TWSG1: variants seen among roughly 807,000 people sequenced by gnomAD.
The protein encoded by TWSG1 is twisted gastrulation BMP signaling modulator 1.
In TWSG1, 15 loss-of-function variants were observed where a neutral mutation model predicts 23.0. The observed-to-expected ratio is 0.65, with a 90% CI of 0.44 to 1.00. The LOEUF (loss-of-function observed/expected upper bound fraction) is 1.00, where lower values mean the gene tolerates loss of function less well. TWSG1 is among the 50% of genes least tolerant of loss of function. The probability of loss-of-function intolerance (pLI) is 0.00; values close to 1 mark genes in which losing one functional copy is unlikely to be tolerated. For synonymous variants in TWSG1, 86 were observed against 92.8 expected, an observed-to-expected ratio of 0.93 and a Z score of 0.42; for missense variants, 242 against 278.7, an observed-to-expected ratio of 0.87 and a Z score of 0.94.
chr18:9,377,115 C>A (rs2040634017), intron 3 of TWSG1, among the ~76,000 whole-genome samples: 1 of 152,096 alleles, frequency 6.6e-6, no homozygotes, highest in African/African-American at 2.4e-5. Flanking sequence ...GGTCCTGGAA[C>A]CAATCCCCCA....
chr18:9,350,900 T>G (rs909304261), intron 2 of TWSG1, among the ~76,000 whole-genome samples: 2 of 152,184 alleles, frequency 1.3e-5, no homozygotes, highest in African/African-American at 4.8e-5. Flanking sequence ...TTGTTTATTC[T>G]TTTGAATAGG....
chr18:9,394,013 A>G (rs775066386), intron 3 of TWSG1, among the ~76,000 whole-genome samples: 8 of 152,234 alleles, frequency 5.3e-5, no homozygotes, highest in Non-Finnish European at 1.0e-4. Context: ...TCAAAAAACC[A>G]CAAATAGAAC....
intron 3 of TWSG1, among the ~76,000 whole-genome samples, chr18:9,374,753 A>G (rs1437825711): frequency 6.6e-6 from 1 of 152,254 alleles, no homozygotes; most frequent in Non-Finnish European, 1.5e-5. Flanking sequence ...TCTCATGAAT[A>G]TAGAGGCAAA....
Position 9,399,594 on chromosome 18 carries a change from G to T in TWSG1, c.*67G>T. 1 of 1,380,730 alleles carries T rather than the reference G, an allele frequency of 7.2e-7. No individual in the cohort carries two copies. The highest frequency in any genetic ancestry group is 2.5e-5 in the East Asian group (1 of 40,076). The allele number at this position is 1,380,730 out of a possible 1,614,324, so 85.5% of individuals were successfully genotyped here. ...GTATAAAAAGTTATTCTGTAAGTCTGTTGGTTGTATCTTGTATCAGAATCC... is the reference window on the plus strand; with the variant it reads ...GTATAAAAAGTTATTCTGTAAGTCTTTTGGTTGTATCTTGTATCAGAATCC... On this transcript the variant is annotated 3_prime_UTR_variant, in exon 5 of 5. Transcript: ENST00000262120.
intron 3 of TWSG1, among the ~76,000 whole-genome samples, chr18:9,391,349 C>T (rs1446027996): frequency 6.6e-6 from 1 of 152,206 alleles, no homozygotes. Flanking sequence ...TTGTACTCAA[C>T]GTCTCTTCTA....
chr18:9,336,414 A>G (rs533782088), intron 1 of TWSG1, among the ~76,000 whole-genome samples: 2 of 152,042 alleles, frequency 1.3e-5, no homozygotes, highest in Admixed American at 6.5e-5. Flanking sequence ...AAAAAAGAAT[A>G]TCGTCACATT....
chr18:9,359,884 C>A, intron 2 of TWSG1, 88 bp from the exon 3 acceptor site: 1 of 944,732 alleles, frequency 1.1e-6, no homozygotes. Context: ...ACTGTAAATG[C>A]AAATATGGCA....
chr18:9,384,345 C>T lies in TWSG1; in HGVS notation c.224-11935C>T, dbSNP rs1023818248. ...AGGGGCCTATAAGGTTCCCAAGTGG[C>T]GATGTTCTGTAGGAAGTTGGATACA... On this transcript the variant is annotated intron_variant, in intron 3 of 4. Transcript: ENST00000262120. Among the ~76,000 whole-genome samples, 16 of 152,170 alleles carry T rather than the reference C, an allele frequency of 1.1e-4. No homozygotes were observed. The East Asian group carries it at 1.7e-3, about 17-fold the overall frequency.
At chr18:9,369,819 C>T (rs1318721586) in intron 3 of TWSG1, among the ~76,000 whole-genome samples, 1 of 152,216 alleles carries the variant, frequency 6.6e-6, no homozygotes, top group Admixed American at 6.5e-5. Flanking sequence ...GCGTGAGCCA[C>T]CATGCCCAGC....
chr18:9,365,442 AGGCAGGC>A (rs1488944029), intron 3 of TWSG1, among the ~76,000 whole-genome samples: 1 of 152,234 alleles, frequency 6.6e-6, no homozygotes, highest in Non-Finnish European at 1.5e-5. Flanking sequence ...TGGGAGGCCA[AGGCAGGC>A]GGATCACTTA....
intron 3 of TWSG1, among the ~76,000 whole-genome samples, chr18:9,382,521 T>TA (rs2040662292): frequency 1.3e-5 from 2 of 148,820 alleles, no homozygotes; most frequent in Admixed American, 1.3e-4. Context: ...AGACTCTGTC[T>TA]CAAAAAAAAA....
chr18:9,383,174 G>A (rs1315439772), intron 3 of TWSG1, among the ~76,000 whole-genome samples: 3 of 143,544 alleles, frequency 2.1e-5, no homozygotes, highest in South Asian at 2.2e-4. Flanking sequence ...GGTGATATCC[G>A]AATTACACGT....
At chr18:9,376,206 C>T (rs918382044) in intron 3 of TWSG1, among the ~76,000 whole-genome samples, 2 of 152,180 alleles carry the variant, frequency 1.3e-5, no homozygotes, top group Non-Finnish European at 2.9e-5. Context: ...CGTAAGCCAC[C>T]ACACCCGGCC....
chr18:9,347,738 TG>T (rs2040483980), intron 2 of TWSG1, among the ~76,000 whole-genome samples: 1 of 152,134 alleles, frequency 6.6e-6, no homozygotes, highest in Non-Finnish European at 1.5e-5. Flanking sequence ...CTCTTTCTAT[TG>T]AATTTTTTAA....
chr18:9,372,359 G>A (rs1409687745), intron 3 of TWSG1, among the ~76,000 whole-genome samples: 3 of 71,684 alleles, frequency 4.2e-5, no homozygotes, highest in Admixed American at 2.4e-4. Context: ...GCAATAATAT[G>A]GTAATAAAAT....
intron 3 of TWSG1, among the ~76,000 whole-genome samples, chr18:9,365,550 C>T (rs913126007): frequency 3.3e-5 from 5 of 151,778 alleles, no homozygotes; most frequent in African/African-American, 1.2e-4. Flanking sequence ...TGCCTGTAGT[C>T]CCAGCTACTT....
chr18:9,384,986 A>G (rs2040675594), intron 3 of TWSG1, among the ~76,000 whole-genome samples: 1 of 152,138 alleles, frequency 6.6e-6, no homozygotes, highest in Admixed American at 6.5e-5. Context: ...TGGAAGGAAC[A>G]CCAAAACAAA....
In TWSG1 at chr18:9,396,300, T is replaced by G; in HGVS notation, c.244T>G (p.Tyr82Asp). The change falls in exon 4 of 5, where the codon TAT becomes GAT. Residue 82 changes from tyrosine (Y) to aspartate (D), a missense_variant. Tyr to Asp is a radical substitution (Grantham distance 160). Coordinates refer to ENST00000262120, the MANE Select transcript of TWSG1 (RefSeq NM_020648.6). Reference sequence around the variant, plus strand: ...CCCAGGTATGTGTAATCCTCGAAATTATAGTGACACACCTCCAACTTCAAA... The same window carrying G: ...CCCAGGTATGTGTAATCCTCGAAATGATAGTGACACACCTCCAACTTCAAA... ...DCVGMCNPRN[Y>D]SDTPPTSKST... The G allele has an allele frequency of 6.2e-7, 1 of 1,614,110 alleles. No individual in the cohort carries two copies. Among genetic ancestry groups the G allele is most frequent in the Non-Finnish European group, 8.5e-7 (1 of 1,180,018 alleles).
chr18:9,357,843 G>T (rs550975422), intron 2 of TWSG1, among the ~76,000 whole-genome samples: 14 of 152,144 alleles, frequency 9.2e-5, no homozygotes, highest in South Asian at 4.1e-4. Flanking sequence ...GCAGGGAAGG[G>T]GGGGGATGGG....
Sources: gnomAD v4.1 joint callset for allele counts (sites outside exome capture counted in the v4.1 genomes callset) on GRCh38, gnomAD v4.1.1 for gene constraint, MANE v1.5 for transcripts, NCBI Gene and HGNC (gene_info 2026-07-23, HGNC 2026-07-21) for gene names.